The following GRM1 variants were observed in gnomAD, a reference collection of about 807,000 sequenced individuals.
The protein encoded by GRM1 is glutamate metabotropic receptor 1.
GRM1 carries 33 observed loss-of-function variants against 90.9 expected under a neutral mutation model. The observed-to-expected ratio is 0.36, with a 90% CI of 0.28 to 0.49. GRM1 has a LOEUF of 0.49. GRM1 is among the 20% of genes least tolerant of loss of function. GRM1 has a pLI of 0.99. For synonymous variants in GRM1, 700 were observed against 613.2 expected (o/e 1.14, Z -2.09); for missense variants, 1,190 against 1,534.3 (o/e 0.78, Z 3.75).
At chr6:146,426,764 C>T (rs186019127) in intron 7 of GRM1, 10 of 634,476 alleles carry the variant, frequency 1.6e-5, no homozygotes, top group Admixed American at 1.4e-4. Context: ...AATTCATTTA[C>T]GTGCCATGGT....
Position 146,261,397 on chromosome 6 carries a change from G to A in GRM1, c.951-43214G>A, listed in dbSNP as rs80313436. Among the ~76,000 whole-genome samples the A allele has an allele frequency of 2.5e-3, 384 of 152,184 alleles. 11 individuals carry two copies. In the East Asian group the frequency reaches 0.067, roughly 27 times the overall value. On this transcript the variant is annotated intron_variant, in intron 2 of 7. Transcript: ENST00000282753. ...TGTTTTGTGGATCTTCTAATCTGGA[G>A]CATAGAGTGAAGGGAAGGAACTGTT...
chr6:146,406,256 G>A (rs981160411), intron 7 of GRM1, among the ~76,000 whole-genome samples: 11 of 152,176 alleles, frequency 7.2e-5, no homozygotes, highest in African/African-American at 1.4e-4. Flanking sequence ...CTCTGAGGAT[G>A]TTTGTGGGTG....
At chr6:146,234,971 G>A (rs775608552) in intron 2 of GRM1, among the ~76,000 whole-genome samples, 11 of 152,086 alleles carry the variant, frequency 7.2e-5, no homozygotes, top group Non-Finnish European at 1.0e-4. Context: ...CTTGAGCTCA[G>A]GCAATCTTCC....
intron 3 of GRM1, among the ~76,000 whole-genome samples, chr6:146,317,291 T>C (rs1311706177): frequency 6.6e-6 from 1 of 152,248 alleles, no homozygotes; most frequent in Non-Finnish European, 1.5e-5. Context: ...ACTTTTATCT[T>C]TGCACATTTA....
At chr6:146,131,294 G>A (rs572416101) in intron 1 of GRM1, among the ~76,000 whole-genome samples, 29 of 151,886 alleles carry the variant, frequency 1.9e-4, no homozygotes, top group African/African-American at 5.6e-4. Flanking sequence ...TTTATTTCCC[G>A]TTTTGTATAA....
At chr6:146,340,161 G>A (rs1181499781) in intron 3 of GRM1, among the ~76,000 whole-genome samples, 1 of 152,194 alleles carries the variant, frequency 6.6e-6, no homozygotes, top group Non-Finnish European at 1.5e-5. Flanking sequence ...AGAAGCTTCT[G>A]TTAATGGTTT....
intron 1 of GRM1, among the ~76,000 whole-genome samples, chr6:146,085,226 G>T (rs1019878390): frequency 1.3e-5 from 2 of 151,944 alleles, no homozygotes; most frequent in South Asian, 4.1e-4. Context: ...AAATACAATA[G>T]TGCATGTTTA....
At chr6:146,344,567 C>A (rs890571172) in intron 3 of GRM1, among the ~76,000 whole-genome samples, 1 of 152,156 alleles carries the variant, frequency 6.6e-6, no homozygotes, top group Non-Finnish European at 1.5e-5. Context: ...TAGATATTGA[C>A]TAAAGTTTCA....
At chr6:146,154,528 T>C (rs1777451461) in intron 1 of GRM1, among the ~76,000 whole-genome samples, 1 of 152,184 alleles carries the variant, frequency 6.6e-6, no homozygotes, top group Middle Eastern at 3.2e-3. Context: ...TGGACTGAAT[T>C]AGGTTACTGA....
intron 5 of GRM1, among the ~76,000 whole-genome samples, chr6:146,362,175 T>G (rs1188584675): frequency 6.6e-6 from 1 of 152,192 alleles, no homozygotes; most frequent in Non-Finnish European, 1.5e-5. Context: ...AGTAAGAGAA[T>G]AGAGGTAACC....
chr6:146,138,965 G>A (rs994503450), intron 1 of GRM1, among the ~76,000 whole-genome samples: 1 of 151,152 alleles, frequency 6.6e-6, no homozygotes, highest in African/African-American at 2.4e-5. Context: ...CACTTACAGC[G>A]CTAAAATTTC....
At chr6:146,152,112 G>A (rs186032059) in intron 1 of GRM1, among the ~76,000 whole-genome samples, 7 of 152,212 alleles carry the variant, frequency 4.6e-5, no homozygotes, top group Non-Finnish European at 1.0e-4. Context: ...CTACAATGCA[G>A]CAACATATAG....
intron 5 of GRM1, among the ~76,000 whole-genome samples, chr6:146,369,076 G>C (rs1008065018): frequency 6.7e-6 from 1 of 150,016 alleles, no homozygotes; most frequent in African/African-American, 2.4e-5. Flanking sequence ...AATCTCAGTA[G>C]GTTATATGTA....
intron 3 of GRM1, among the ~76,000 whole-genome samples, chr6:146,333,964 G>A (rs936936080): frequency 1.3e-5 from 2 of 152,116 alleles, no homozygotes; most frequent in African/African-American, 4.8e-5. Context: ...GGAAAATAAA[G>A]GAAGTCCTAC....
At chr6:146,405,482 C>T (rs1171913275) in intron 7 of GRM1, among the ~76,000 whole-genome samples, 1 of 152,178 alleles carries the variant, frequency 6.6e-6, no homozygotes, top group Non-Finnish European at 1.5e-5. Context: ...CAAAATACCA[C>T]CAACTGAGCT....
intron 2 of GRM1, among the ~76,000 whole-genome samples, chr6:146,241,116 C>G (rs980086048): frequency 6.6e-6 from 1 of 152,066 alleles, no homozygotes; most frequent in Admixed American, 6.6e-5. Flanking sequence ...TCAAATTTAT[C>G]CATCTAAGAA....
chr6:146,272,570 C>T (rs920086364), intron 2 of GRM1, among the ~76,000 whole-genome samples: 1 of 152,150 alleles, frequency 6.6e-6, no homozygotes, highest in South Asian at 2.1e-4. Context: ...ATGATCAATA[C>T]AGTACATTAG....
In GRM1 at chr6:146,139,519, A is replaced by C. The variant is rs191440519; in HGVS notation, c.701-19829A>C. Among the ~76,000 whole-genome samples, 3 of 152,276 alleles carry C rather than the reference A, an allele frequency of 2.0e-5. No individual in the cohort carries two copies. In the East Asian group the frequency reaches 5.8e-4, roughly 29 times the overall value. ...CAGTGTTGGGTCCATATATATTTAC[A>C]ATTGTTATATCCTCTTGGTGAATTG... is the stretch of plus-strand genomic sequence containing the variant. On this transcript the variant is annotated intron_variant, in intron 1 of 7. Transcript: ENST00000282753.
intron 1 of GRM1, among the ~76,000 whole-genome samples, chr6:146,102,141 T>C (rs1777072311): frequency 6.6e-6 from 1 of 152,110 alleles, no homozygotes; most frequent in South Asian, 2.1e-4. Context: ...CCTCTTTTTC[T>C]TACTCTTTTT....
Sources: allele counts gnomAD v4.1 joint callset (sites outside exome capture counted in the v4.1 genomes callset), GRCh38; gene constraint gnomAD v4.1.1; transcripts MANE v1.5; gene names NCBI Gene and HGNC (gene_info 2026-07-23, HGNC 2026-07-21).